The following MYH15 variants were observed in gnomAD, a reference collection of about 807,000 sequenced individuals.
The protein encoded by MYH15 is myosin-15.
MYH15 carries 227 observed loss-of-function variants against 240.5 expected under a neutral mutation model. That is an observed-to-expected ratio of 0.94 (90% CI 0.85 to 1.05). The LOEUF (loss-of-function observed/expected upper bound fraction) is 1.05, where lower values mean the gene tolerates loss of function less well. Among genes scored for constraint, MYH15 ranks in the 50% least tolerant of loss-of-function variants. MYH15 has a pLI of 0.00. For missense variants in MYH15, 2,217 were observed against 2,247.5 expected, an observed-to-expected ratio of 0.99 and a Z score of 0.27; for synonymous variants, 785 against 796.7, an observed-to-expected ratio of 0.99 and a Z score of 0.25.
intron 1 of MYH15, 56 bp from the exon 2 acceptor site, chr3:108,505,885 A>C: frequency 8.7e-7 from 1 of 1,154,412 alleles, no homozygotes; most frequent in Non-Finnish European, 1.3e-6. Flanking sequence ...ACAGAAATAC[A>C]TACTGGACAC....
chr3:108,394,265 T>C, intron 35 of MYH15, 109 bp from the exon 36 acceptor site: 1 of 1,396,100 alleles, frequency 7.2e-7, no homozygotes, highest in Non-Finnish European at 9.9e-7. Flanking sequence ...AAGCAAATTT[T>C]ATTATAGTGA....
At position 108,473,921 on chromosome 3, in the gene MYH15, G is replaced by A. The variant is rs191150715; in HGVS notation, c.1233+2476C>T. ...CTGGCATTCAGTTACCTGGGGGCCAGGAATCCCAAACATCTACAGTGTGCA... is the reference window on the plus strand; with the variant it reads ...CTGGCATTCAGTTACCTGGGGGCCAAGAATCCCAAACATCTACAGTGTGCA... On this transcript the variant is annotated intron_variant, in intron 12 of 40. Transcript: ENST00000693548. 3.3e-5 allele frequency among the ~76,000 whole-genome samples: 5 copies of A among 152,250 alleles called. No homozygotes were observed. In the East Asian group the frequency reaches 9.6e-4, roughly 29 times the overall value.
In MYH15 at chr3:108,428,651, A is replaced by G. The variant is rs2082746901; in HGVS notation, c.3543T>C (p.Ser1181=). 1 of 1,613,288 alleles carries G rather than the reference A, an allele frequency of 6.2e-7. No individual in the cohort carries two copies. Among genetic ancestry groups the G allele is most frequent in the Non-Finnish European group, 8.5e-7 (1 of 1,179,964 alleles). ...EEATLHFETT[S]ASLKKRHADS... ...CTGCATGTCTCTTCTTCAAAGATGC[A>G]GAAGTTGTCTCAAAGTGCAGAGTGG... The change falls in exon 27 of 41, where the codon TCT becomes TCC. Residue 1181 remains serine, a synonymous_variant. Transcript: ENST00000693548.
At chr3:108,463,999 T>A (rs930103746) in intron 15 of MYH15, among the ~76,000 whole-genome samples, 3 of 152,146 alleles carry the variant, frequency 2.0e-5, no homozygotes, top group African/African-American at 7.2e-5. Context: ...TTTTACTGTA[T>A]ATATCATTAT....
At chr3:108,547,195 G>A in the MYH15 span, among the ~76,000 whole-genome samples, 1 of 151,920 alleles carries the variant, frequency 6.6e-6, no homozygotes, top group East Asian at 1.9e-4. Flanking sequence ...GTGGAGACGT[G>A]TGTCACTTTG....
At chr3:108,448,717 C>G (rs2082948994) in intron 21 of MYH15, among the ~76,000 whole-genome samples, 1 of 151,720 alleles carries the variant, frequency 6.6e-6, no homozygotes, top group East Asian at 1.9e-4. Context: ...AGCTTTTCCT[C>G]TAAGGTCAGG....
rs941888645 is a variant in MYH15, at chr3:108,387,102, C to T, written c.5535+1868G>A. ...AGAACTGTCATGGAGTGGGACCACA[C>T]TTGACTCCTTTCCAGTAGCAGAATC... On this transcript the variant is annotated intron_variant, in intron 38 of 40. Coordinates refer to ENST00000693548, the MANE Select transcript of MYH15 (RefSeq NM_014981.3). Among the ~76,000 whole-genome samples, 11 of 152,308 alleles carry T rather than the reference C, an allele frequency of 7.2e-5. 2 individuals carry two copies. The highest frequency in any genetic ancestry group is 7.2e-4 in the Admixed American group (11 of 15,290).
Position 108,505,838 on chromosome 3 carries a change from C to T in MYH15, c.89-9G>A. The stretch of plus-strand genomic sequence containing the variant: ...CCAGCATTTCTTCTTCCCTGTAGAG[C>T]AAAAAAAAAAAAAAATGGATTATAG... On this transcript the variant is annotated splice_polypyrimidine_tract_variant and intron_variant, in intron 1 of 40. Coordinates refer to ENST00000693548, the MANE Select transcript of MYH15 (RefSeq NM_014981.3). 7.8e-7 allele frequency: 1 copy of T among 1,277,816 alleles called. No individual in the cohort carries two copies. The highest frequency in any genetic ancestry group is 1.1e-6 in the Non-Finnish European group (1 of 936,142). 79.2% of individuals were successfully genotyped at this position (1,277,816 alleles called of 1,614,324 possible). A position where few individuals can be genotyped will look rare whatever the true frequency, so the allele number is the denominator to read the frequency against.
At chr3:108,425,916 A>G (rs183558334) in intron 27 of MYH15, among the ~76,000 whole-genome samples, 3 of 152,202 alleles carry the variant, frequency 2.0e-5, no homozygotes, top group Admixed American at 2.0e-4. Context: ...GGAATATCCT[A>G]TTGGAAACTG....
At chr3:108,489,113 G>T (rs977207907) in intron 9 of MYH15, among the ~76,000 whole-genome samples, 7 of 152,054 alleles carry the variant, frequency 4.6e-5, no homozygotes, top group African/African-American at 9.7e-5. Context: ...TAATCCAGTT[G>T]TTTTCTTGCT....
intron 9 of MYH15, among the ~76,000 whole-genome samples, chr3:108,491,919 A>G (rs1175241013): frequency 6.6e-6 from 1 of 151,820 alleles, no homozygotes; most frequent in African/African-American, 2.4e-5. Flanking sequence ...CCCATTCTTC[A>G]TATCCCAACC....
the MYH15 span, chr3:108,543,293 G>C: frequency 6.6e-6 from 1 of 152,194 alleles, no homozygotes; most frequent in Non-Finnish European, 1.5e-5. Context: ...TTGCTACTGT[G>C]AATAGTGCTG....
chr3:108,416,230 G>C (rs2082631688), intron 29 of MYH15, among the ~76,000 whole-genome samples: 1 of 152,184 alleles, frequency 6.6e-6, no homozygotes, highest in Non-Finnish European at 1.5e-5. Context: ...CGCCTTCATA[G>C]TATGGTCATG....
intron 27 of MYH15, among the ~76,000 whole-genome samples, chr3:108,424,391 C>T (rs2082710074): frequency 6.6e-6 from 1 of 152,206 alleles, no homozygotes; most frequent in South Asian, 2.1e-4. Flanking sequence ...GTTTATCTAA[C>T]AGTGGCCTAT....
intron 33 of MYH15, among the ~76,000 whole-genome samples, chr3:108,403,623 G>T (rs1240004446): frequency 6.6e-6 from 1 of 151,962 alleles, no homozygotes; most frequent in Non-Finnish European, 1.5e-5. Context: ...AGCAGAAAGG[G>T]TCTGGGCTGG....
At chr3:108,506,617 G>A (rs2083478174) in intron 1 of MYH15, among the ~76,000 whole-genome samples, 1 of 152,182 alleles carries the variant, frequency 6.6e-6, no homozygotes. Context: ...GGGTGCAGTG[G>A]CTCATGTTCA....
chr3:108,433,967 C>G (rs1391099422), intron 25 of MYH15, among the ~76,000 whole-genome samples: 1 of 152,038 alleles, frequency 6.6e-6, no homozygotes, highest in African/African-American at 2.4e-5. Context: ...TTTGTGCTTA[C>G]ATGTGTACAT....
At chr3:108,521,398 A>T (rs566132334) in intron 1 of MYH15, among the ~76,000 whole-genome samples, 9 of 96,834 alleles carry the variant, frequency 9.3e-5, no homozygotes, top group East Asian at 6.0e-4. Flanking sequence ...AAATGATGTT[A>T]AAAAAAAAAA....
chr3:108,498,070 A>T lies in MYH15; in HGVS notation c.600T>A (p.Ile200=). ...CACTTACCTGCTTTTTCCTGGATTC[A>T]ATCATGGCTGCTATGGTGGCAAAAT... ...IQYFATIAAM[I]ESRKKQGALE... Residue 200 remains isoleucine, a synonymous_variant, in exon 6 of 41, where the codon ATT becomes ATA. Transcript: ENST00000693548. 1 of 1,614,058 alleles carries T rather than the reference A, an allele frequency of 6.2e-7. No individual in the cohort carries two copies. The highest frequency in any genetic ancestry group is 8.5e-7 in the Non-Finnish European group (1 of 1,179,940).
Sources: gnomAD v4.1 joint callset for allele counts (sites outside exome capture counted in the v4.1 genomes callset) on GRCh38, gnomAD v4.1.1 for gene constraint, MANE v1.5 for transcripts, NCBI Gene and HGNC (gene_info 2026-07-23, HGNC 2026-07-21) for gene names.